DNAJB6: variants seen among roughly 807,000 people sequenced by gnomAD.
The protein encoded by DNAJB6 is DnaJ heat shock protein family (Hsp40) member B6, also known as dnaJ homolog subfamily B member 6.
Under a neutral mutation model 42.7 loss-of-function variants are expected in DNAJB6, and 16 were observed. That is an observed-to-expected ratio of 0.37 (90% CI 0.25 to 0.57). The LOEUF (loss-of-function observed/expected upper bound fraction) is 0.57, where lower values mean the gene tolerates loss of function less well. DNAJB6 is among the 20% of genes least tolerant of loss of function. DNAJB6 has a pLI of 0.74. For synonymous variants in DNAJB6, 170 were observed against 163.5 expected, an observed-to-expected ratio of 1.04 and a Z score of -0.30; for missense variants, 347 against 416.8, an observed-to-expected ratio of 0.83 and a Z score of 1.46.
At chr7:157,376,305 T>C (rs1020728894) in intron 5 of DNAJB6, among the ~76,000 whole-genome samples, 66 of 152,228 alleles carry the variant, frequency 4.3e-4, no homozygotes, top group African/African-American at 1.3e-3. Flanking sequence ...GACTGTTCTT[T>C]AGATAGTCAG....
chr7:157,392,745 C>CA (rs1173474410), intron 8 of DNAJB6, among the ~76,000 whole-genome samples: 1 of 152,188 alleles, frequency 6.6e-6, no homozygotes, highest in African/African-American at 2.4e-5. Context: ...GAGCCTTTGA[C>CA]ACCCGAGAGC....
In DNAJB6 at chr7:157,366,486, T is replaced by C; in HGVS notation, c.176-16T>C. The C allele has an allele frequency of 6.2e-7, 1 of 1,613,702 alleles. No homozygotes were observed. The highest frequency in any genetic ancestry group is 8.5e-7 in the Non-Finnish European group (1 of 1,179,766). On this transcript the variant is annotated splice_polypyrimidine_tract_variant and intron_variant, in intron 3 of 9. Coordinates refer to ENST00000262177, the MANE Select transcript of DNAJB6 (RefSeq NM_058246.4). ...AAAAGGAACTTGGCCTTACCGACTTTTCTTTCAATTTTTAGCTAAGAAACG... is the reference window on the plus strand; with the variant it reads ...AAAAGGAACTTGGCCTTACCGACTTCTCTTTCAATTTTTAGCTAAGAAACG...
At chr7:157,400,230 G>A (rs1331977071) in intron 8 of DNAJB6, among the ~76,000 whole-genome samples, 6 of 149,876 alleles carry the variant, frequency 4.0e-5, no homozygotes, top group African/African-American at 1.5e-4. Context: ...GGGTCCCCGC[G>A]CCTTTGTGTA....
rs140597032 is a variant in DNAJB6, at chr7:157,362,503, T to C, written c.66-658T>C. 5.7e-3 allele frequency among the ~76,000 whole-genome samples: 862 copies of C among 152,170 alleles called. 8 individuals are homozygous for C. Among genetic ancestry groups the C allele is most frequent in the African/African-American group, 0.02 (829 of 41,496 alleles). ...GATTCTCCTGCCGCAGCCTCCTGAGTAGCTGGGATTACAGTCAAGTACCAC... is the reference window on the plus strand; with the variant it reads ...GATTCTCCTGCCGCAGCCTCCTGAGCAGCTGGGATTACAGTCAAGTACCAC... On this transcript the variant is annotated intron_variant, in intron 2 of 9. Transcript: ENST00000262177.
In DNAJB6 at chr7:157,352,340, A is replaced by G. The variant is rs188117239; in HGVS notation, c.-26-6207A>G. 2.6e-3 allele frequency among the ~76,000 whole-genome samples: 395 copies of G among 151,710 alleles called. 2 individuals are homozygous for G. Among genetic ancestry groups the G allele is most frequent in the Middle Eastern group, 0.017 (5 of 290 alleles). ...TCTGTCTCAAAATATATACATATAT[A>G]TGTATATATATATAATTTTCTTTTT... On this transcript the variant is annotated intron_variant, in intron 1 of 9. Coordinates refer to ENST00000262177, the MANE Select transcript of DNAJB6 (RefSeq NM_058246.4).
intron 1 of DNAJB6, among the ~76,000 whole-genome samples, chr7:157,355,843 C>G (rs776830791): frequency 6.6e-6 from 1 of 152,226 alleles, no homozygotes. Context: ...GCTGCACGTA[C>G]ATGACAGAGC....
chr7:157,366,298 A>T (rs918364222), intron 3 of DNAJB6, among the ~76,000 whole-genome samples: 9 of 152,044 alleles, frequency 5.9e-5, no homozygotes, highest in African/African-American at 9.7e-5. Context: ...CAACATACTG[A>T]ATTTTTTTTG....
At chr7:157,401,027 C>T (rs1801834860) in intron 8 of DNAJB6, among the ~76,000 whole-genome samples, 2 of 152,052 alleles carry the variant, frequency 1.3e-5, no homozygotes, top group South Asian at 2.1e-4. Flanking sequence ...CGCTGTGGTC[C>T]CTGCTTTGCC....
chr7:157,370,200 A>G (rs970550220), intron 5 of DNAJB6, among the ~76,000 whole-genome samples: 3 of 150,704 alleles, frequency 2.0e-5, no homozygotes, highest in Admixed American at 6.6e-5. Context: ...TCTTAACATT[A>G]TTATTAAAGA....
chr7:157,358,600 G>A lies in DNAJB6; in HGVS notation c.28G>A (p.Val10Met). The change falls in exon 2 of 10, where the codon GTG (valine) becomes ATG (methionine). Residue 10 changes from valine to methionine, a missense_variant. Physicochemically the swap from Val to Met is conservative, Grantham distance 21. Coordinates refer to ENST00000262177, the MANE Select transcript of DNAJB6 (RefSeq NM_058246.4). The part of the protein sequence containing the change: MVDYYEVLG[V>M]QRHASPEDIK... ...GGTGGATTACTATGAAGTTCTAGGC[G>A]TGCAGAGACATGCCTCACCCGAGGA... 5.6e-6 allele frequency: 9 copies of A among 1,613,896 alleles called. No homozygotes were observed. Among genetic ancestry groups the A allele is most frequent in the East Asian group, 2.2e-5 (1 of 44,880 alleles).
chr7:157,353,890 C>T (rs1413723593), intron 1 of DNAJB6, among the ~76,000 whole-genome samples: 2 of 152,088 alleles, frequency 1.3e-5, no homozygotes, highest in Non-Finnish European at 2.9e-5. Context: ...TCTTGAACTC[C>T]TGGGCTCAAG....
chr7:157,414,590 T>C (rs1445908460), intron 9 of DNAJB6: 6 of 122,718 alleles, frequency 4.9e-5, no homozygotes, highest in Middle Eastern at 3.9e-3. Flanking sequence ...CATGGAACGC[T>C]TGGCGGTTCT....
intron 8 of DNAJB6, among the ~76,000 whole-genome samples, chr7:157,404,974 C>T (rs904490816): frequency 2.6e-5 from 4 of 152,198 alleles, no homozygotes; most frequent in African/African-American, 9.6e-5. Context: ...GTAACAGTAA[C>T]TTGTGTGAAC....
chr7:157,366,484 T>A lies in DNAJB6; in HGVS notation c.176-18T>A. The A allele has an allele frequency of 6.2e-7, 1 of 1,613,482 alleles. No homozygotes were observed. Reference sequence around the variant, plus strand: ...TTAAAAGGAACTTGGCCTTACCGACTTTTCTTTCAATTTTTAGCTAAGAAA... The same window carrying A: ...TTAAAAGGAACTTGGCCTTACCGACATTTCTTTCAATTTTTAGCTAAGAAA... On this transcript the variant is annotated intron_variant, in intron 3 of 9. Coordinates refer to ENST00000262177, the MANE Select transcript of DNAJB6 (RefSeq NM_058246.4).
chr7:157,392,225 G>A (rs1801381326), intron 8 of DNAJB6, among the ~76,000 whole-genome samples: 1 of 151,860 alleles, frequency 6.6e-6, no homozygotes, highest in African/African-American at 2.4e-5. Context: ...TCTAAAATTT[G>A]CGTCTTGGCT....
intron 1 of DNAJB6, among the ~76,000 whole-genome samples, chr7:157,352,586 G>A (rs1799048684): frequency 6.6e-6 from 1 of 152,052 alleles, no homozygotes; most frequent in Non-Finnish European, 1.5e-5. Context: ...TCCTGACTGT[G>A]CTCAGGCGGC....
At chr7:157,343,096 ATTC>A (rs1798499989) in intron 1 of DNAJB6, among the ~76,000 whole-genome samples, 1 of 151,714 alleles carries the variant, frequency 6.6e-6, no homozygotes, top group African/African-American at 2.4e-5. Context: ...GGCTCAAGCA[ATTC>A]TTGTGCTTCA....
chr7:157,356,699 G>GTTAA (rs1458152293), intron 1 of DNAJB6, among the ~76,000 whole-genome samples: 2 of 152,142 alleles, frequency 1.3e-5, no homozygotes, highest in Admixed American at 6.5e-5. Context: ...AGCTGATAAC[G>GTTAA]TTAAATTGGA....
chr7:157,403,684 C>T (rs1164621831), intron 8 of DNAJB6, among the ~76,000 whole-genome samples: 1 of 152,176 alleles, frequency 6.6e-6, no homozygotes, highest in African/African-American at 2.4e-5. Context: ...GTGCCCGATG[C>T]AGTTCCCAGC....
Sources: gnomAD v4.1 joint callset for allele counts (sites outside exome capture counted in the v4.1 genomes callset) on GRCh38, gnomAD v4.1.1 for gene constraint, MANE v1.5 for transcripts, NCBI Gene and HGNC (gene_info 2026-07-23, HGNC 2026-07-21) for gene names.